Variants in CACNA1E observed in about 807,000 individuals in gnomAD.
The protein encoded by CACNA1E is calcium voltage-gated channel subunit alpha1 E.
A neutral mutation model predicts 259.2 loss-of-function variants in CACNA1E; 40 were observed. The observed-to-expected ratio is 0.15, with a 90% CI of 0.12 to 0.20. CACNA1E has a LOEUF of 0.20. Ranked by LOEUF, CACNA1E falls within the 10% of genes least tolerant of loss-of-function variation. The pLI is 1.00. For missense variants in CACNA1E, 1,874 were observed against 3,040.1 expected (o/e 0.62, Z 9.02); for synonymous variants, 1,104 against 1,138.5 (o/e 0.97, Z 0.61).
At chr1:181,421,447 C>T (rs2102192247) in intron 2 of CACNA1E, among the ~76,000 whole-genome samples, 1 of 152,292 alleles carries the variant, frequency 6.6e-6, no homozygotes, top group Admixed American at 6.5e-5. Context: ...CTCACCAGGT[C>T]CACATATCTG....
chr1:181,399,736 C>T (rs146119358), intron 1 of CACNA1E, among the ~76,000 whole-genome samples: 2 of 152,320 alleles, frequency 1.3e-5, no homozygotes, highest in South Asian at 2.1e-4. Flanking sequence ...GTAGATACTA[C>T]GTGCCAGTGA....
intron 6 of CACNA1E, among the ~76,000 whole-genome samples, chr1:181,602,030 C>T (rs762885399): frequency 2.8e-4 from 43 of 152,196 alleles, no homozygotes; most frequent in Non-Finnish European, 4.6e-4. Flanking sequence ...CACTCTTTCC[C>T]GTCCTCTGGT....
At chr1:181,505,298 C>T (rs755140415) in intron 1 of CACNA1E, among the ~76,000 whole-genome samples, 10 of 152,048 alleles carry the variant, frequency 6.6e-5, no homozygotes, top group African/African-American at 1.2e-4. Context: ...TGAAAATAAC[C>T]CTGCTACCGA....
chr1:181,600,963 A>G (rs994799390), intron 6 of CACNA1E, among the ~76,000 whole-genome samples: 1 of 152,190 alleles, frequency 6.6e-6, no homozygotes, highest in Non-Finnish European at 1.5e-5. Flanking sequence ...TTAGCACTGC[A>G]GTAGGTCTAT....
chr1:181,626,706 C>T (rs1558200015), intron 6 of CACNA1E, among the ~76,000 whole-genome samples: 2 of 152,206 alleles, frequency 1.3e-5, no homozygotes, highest in African/African-American at 2.4e-5. Flanking sequence ...TCTGAGGTCC[C>T]TCCGAGCAGT....
chr1:181,598,821 T>G (rs1029822877), intron 6 of CACNA1E, among the ~76,000 whole-genome samples: 13 of 152,200 alleles, frequency 8.5e-5, no homozygotes. Context: ...ACTGCTCTTC[T>G]GTCTTACTTC....
intron 3 of CACNA1E, among the ~76,000 whole-genome samples, chr1:181,549,204 C>T (rs1647854289): frequency 6.6e-6 from 1 of 152,202 alleles, no homozygotes; most frequent in South Asian, 2.1e-4. Flanking sequence ...GCTGCTGCTA[C>T]AACCACCTGG....
intron 47 of CACNA1E, among the ~76,000 whole-genome samples, chr1:181,797,930 T>C (rs929524486): frequency 6.6e-6 from 1 of 152,210 alleles, no homozygotes; most frequent in Non-Finnish European, 1.5e-5. Context: ...TTGTTACATA[T>C]GTAGAGCTTC....
At chr1:181,386,950 A>T (rs1455091557) in intron 1 of CACNA1E, among the ~76,000 whole-genome samples, 6 of 152,228 alleles carry the variant, frequency 3.9e-5, no homozygotes, top group Admixed American at 1.3e-4. Flanking sequence ...ATCGCAGGCC[A>T]CATGGCCTGA....
intron 3 of CACNA1E, among the ~76,000 whole-genome samples, chr1:181,512,763 C>T (rs1311753518): frequency 6.6e-6 from 1 of 152,180 alleles, no homozygotes; most frequent in African/African-American, 2.4e-5. Flanking sequence ...ACTGGGATGA[C>T]TATTCATGTT....
intron 7 of CACNA1E, among the ~76,000 whole-genome samples, chr1:181,663,040 C>T (rs772433377): frequency 2.6e-5 from 4 of 152,144 alleles, no homozygotes; most frequent in Non-Finnish European, 4.4e-5. Flanking sequence ...GTCTATACCC[C>T]CCAATCTCAT....
At chr1:181,484,318 C>G (rs1382231021) in intron 1 of CACNA1E, among the ~76,000 whole-genome samples, 2 of 152,240 alleles carry the variant, frequency 1.3e-5, no homozygotes, top group African/African-American at 4.8e-5. Context: ...CCCCTACTCC[C>G]TTCACATGCC....
At chr1:181,323,180 C>T (rs779510900) in intron 1 of CACNA1E, among the ~76,000 whole-genome samples, 2 of 152,200 alleles carry the variant, frequency 1.3e-5, no homozygotes, top group Non-Finnish European at 2.9e-5. Context: ...TCCCCTTTCT[C>T]ATGAACCAAA....
At chr1:181,550,971 A>G (rs1031091681) in intron 3 of CACNA1E, among the ~76,000 whole-genome samples, 6 of 152,078 alleles carry the variant, frequency 3.9e-5, no homozygotes, top group Non-Finnish European at 7.3e-5. Context: ...CTTACGCTGT[A>G]TCAGCGCCAA....
intron 1 of CACNA1E, among the ~76,000 whole-genome samples, chr1:181,498,772 C>A (rs185498685): frequency 2.4e-4 from 37 of 152,324 alleles, no homozygotes; most frequent in Non-Finnish European, 2.5e-4. Flanking sequence ...CAAGTGCCAG[C>A]ATCCTTTTGT....
chr1:181,732,363 C>T lies in CACNA1E; in HGVS notation c.2298-21C>T. On this transcript the variant is annotated intron_variant, in intron 19 of 47. Coordinates refer to ENST00000367573, the MANE Select transcript of CACNA1E (RefSeq NM_001205293.3). The surrounding 1 kb of genome is among the most constrained non-coding windows in gnomAD (Gnocchi z 5.5). ...GCAGCTTCTGGGCTCTGACCGCGGCCCTGCCCTTTCCCCTTGGCAGGAGGG... is the reference window on the plus strand; with the variant it reads ...GCAGCTTCTGGGCTCTGACCGCGGCTCTGCCCTTTCCCCTTGGCAGGAGGG... 1 of 1,496,212 alleles carries T rather than the reference C, an allele frequency of 6.7e-7. No individual in the cohort carries two copies. The highest frequency in any genetic ancestry group is 1.4e-5 in the African/African-American group (1 of 71,494). The allele number at this position is 1,496,212 out of a possible 1,614,324, so 92.7% of individuals were successfully genotyped here.
rs566078139 is a variant in CACNA1E, at chr1:181,374,494, G to T, written c.-14-38639G>T. The stretch of plus-strand genomic sequence containing the variant: ...AAAATTTTTTTTGAGACAGGTTATT[G>T]TTCTGTCTCCCAGGCTGGAGTGCAG... On this transcript the variant is annotated intron_variant, in intron 1 of 11. Transcript: ENST00000524607. Among the ~76,000 whole-genome samples the T allele has an allele frequency of 2.6e-5, 4 of 150,946 alleles. No homozygotes were observed. The East Asian group carries it at 7.8e-4, about 29-fold the overall frequency.
chr1:181,559,923 A>G (rs139612095), intron 3 of CACNA1E, among the ~76,000 whole-genome samples: 1 of 152,372 alleles, frequency 6.6e-6, no homozygotes, highest in East Asian at 1.9e-4. Context: ...ATTCTTCTGC[A>G]ATGTGAGAAA....
chr1:181,416,825 C>A (rs1452847157), intron 2 of CACNA1E, among the ~76,000 whole-genome samples: 1 of 152,214 alleles, frequency 6.6e-6, no homozygotes. Context: ...CATCTACAAA[C>A]TCCCAAGTCA....
Sources: allele counts gnomAD v4.1 joint callset (sites outside exome capture counted in the v4.1 genomes callset), GRCh38; gene constraint gnomAD v4.1.1; non-coding constraint Gnocchi (gnomAD v3.1); transcripts MANE v1.5; gene names NCBI Gene and HGNC (gene_info 2026-07-23, HGNC 2026-07-21).